Variants in HOOK2 observed in about 807,000 individuals in gnomAD.
The protein encoded by HOOK2 is hook microtubule tethering protein 2.
Under a neutral mutation model 111.9 loss-of-function variants are expected in HOOK2, and 108 were observed. The observed-to-expected ratio is 0.96, with a 90% confidence interval of 0.83 to 1.13. The LOEUF is 1.13. HOOK2 is among the 50% of genes most tolerant of loss of function. The pLI is 0.00. For missense variants in HOOK2, 978 were observed against 951.3 expected (o/e 1.03, Z -0.37); for synonymous variants, 405 against 394.3 (o/e 1.03, Z -0.32).
chr19:12,771,922 A>T (rs996782884), intron 7 of HOOK2: 1 of 457,406 alleles, frequency 2.2e-6, no homozygotes. Context: ...AAAAGAAAAC[A>T]GGGCTGGGGT....
chr19:12,773,609 A>G (rs1272480646), intron 3 of HOOK2, among the ~76,000 whole-genome samples: 1 of 151,858 alleles, frequency 6.6e-6, no homozygotes, highest in Non-Finnish European at 1.5e-5. Context: ...CTGCCCCACC[A>G]TCCTTCAGCC....
chr19:12,781,428 G>C (rs12980642), upstream of HOOK2, among the ~76,000 whole-genome samples: 1 of 149,774 alleles, frequency 6.7e-6, no homozygotes, highest in Middle Eastern at 3.3e-3. Flanking sequence ...CCGGGTTCAC[G>C]CCATTCTCCT....
At position 12,791,880 on chromosome 19, in the gene HOOK2, C is replaced by A; in HGVS notation, n.42-17655G>T. 1 of 1,613,508 alleles carries A rather than the reference C, an allele frequency of 6.2e-7. No individual in the cohort carries two copies. The highest frequency in any genetic ancestry group is 8.5e-7 in the Non-Finnish European group (1 of 1,179,898). On this transcript the variant is annotated intron_variant and non_coding_transcript_variant, in intron 3 of 3. Coordinates refer to the HOOK2 transcript ENST00000589765. This position sits in a 1 kb window ranked among gnomAD's most constrained non-coding sequence, Gnocchi z 7.0. ...TCTACACGACTACAAACTCCTGAAA[C>A]CGAGCCTGGCGGTCAACCTGGCCGA... is the stretch of plus-strand genomic sequence containing the variant.
Position 12,792,264 on chromosome 19 carries a change from C to A in HOOK2, n.42-18039G>T, listed in dbSNP as rs769217729. 3.3e-6 allele frequency: 5 copies of A among 1,494,020 alleles called. No homozygotes were observed. The South Asian group carries it at 6.5e-5, about 19-fold the overall frequency. The allele number at this position is 1,494,020 out of a possible 1,614,324, so 92.5% of individuals were successfully genotyped here. On this transcript the variant is annotated intron_variant and non_coding_transcript_variant, in intron 3 of 3. Coordinates refer to the HOOK2 transcript ENST00000589765. ...CGTGTCCCTGGGCGCTACCGGGGGG[C>A]CCCCGGCTGGGCCCGGGGGCGTCTA...
In HOOK2 at chr19:12,775,367, G is replaced by C. The variant is rs1430571741; in HGVS notation, c.45+38C>G. On this transcript the variant is annotated intron_variant, in intron 1 of 22. Transcript: ENST00000397668. ...GCCAGGGATCCCGGGCAAGAGGAGC[G>C]GGCGCTCACCTTCCCCTAGCCCCGC... The C allele has an allele frequency of 3.1e-6, 5 of 1,602,464 alleles. No individual in the cohort carries two copies. In the African/African-American group the frequency reaches 4.0e-5, roughly 13 times the overall value.
chr19:12,769,501 C>T (rs1411010809), intron 11 of HOOK2, among the ~76,000 whole-genome samples: 1 of 152,126 alleles, frequency 6.6e-6, no homozygotes, highest in East Asian at 1.9e-4. Flanking sequence ...CAGCTCACTA[C>T]AACCTCGAAA....
At chr19:12,788,973 G>A (rs563079182) in intron 3 of HOOK2, among the ~76,000 whole-genome samples, 1 of 152,244 alleles carries the variant, frequency 6.6e-6, no homozygotes, top group East Asian at 1.9e-4. Flanking sequence ...CCTCCAGCAA[G>A]GCCACTGCAC....
upstream of HOOK2, among the ~76,000 whole-genome samples, chr19:12,779,785 G>A (rs1968579807): frequency 6.6e-6 from 1 of 152,106 alleles, no homozygotes; most frequent in Non-Finnish European, 1.5e-5. Context: ...TTGATGGGGG[G>A]GAGGGCTGGT....
At position 12,771,251 on chromosome 19, in the gene HOOK2, G is replaced by A; in HGVS notation, c.669C>T (p.Gly223=). The part of the protein sequence containing the change: ...QENAGLRERM[G]RPEGEGTPGL... ...CTGGGGTACCCTCGCCTTCAGGCCG[G>A]CCCATCCGCTCCCGCAGCCCTGCAT... is the stretch of plus-strand genomic sequence containing the variant. Residue 223 remains glycine (G), a synonymous_variant, in exon 9 of 23, where the codon GGC becomes GGT. Coordinates refer to ENST00000397668, the MANE Select transcript of HOOK2 (RefSeq NM_013312.3). 1.2e-6 allele frequency: 2 copies of A among 1,608,138 alleles called. No individual in the cohort carries two copies. Among genetic ancestry groups the A allele is most frequent in the Non-Finnish European group, 1.7e-6 (2 of 1,177,246 alleles).
In HOOK2 at chr19:12,767,903, G is replaced by A. The variant is rs375768708; in HGVS notation, c.1216C>T (p.Arg406Trp). 1.6e-5 allele frequency: 26 copies of A among 1,610,596 alleles called. No homozygotes were observed. Among genetic ancestry groups the A allele is most frequent in the East Asian group, 1.1e-4 (5 of 44,868 alleles). The change falls in exon 13 of 23, where the codon CGG becomes TGG. Residue 406 changes from arginine to tryptophan, a missense_variant and splice_region_variant. Physicochemically the swap from Arg to Trp is moderately radical, Grantham distance 101 (BLOSUM62 -3). This residue lies in a region of HOOK2 where 388 missense variants were observed against 358.3 expected (regional missense o/e 1.08). Transcript: ENST00000397668. The part of the protein sequence containing the change: ...KYESVTKEKE[R>W]LLAERDSLRE... Reference sequence around the variant, plus strand: ...AAGGAGTCCCGCTCCGCCAACAGCCGCTGCAGGGACAGGGTACAAGACACT... The same window carrying A: ...AAGGAGTCCCGCTCCGCCAACAGCCACTGCAGGGACAGGGTACAAGACACT...
rs769066749 is a variant in HOOK2, at chr19:12,772,759, G to T, written c.388+21C>A. 12 of 1,613,584 alleles carry T rather than the reference G, an allele frequency of 7.4e-6. No individual in the cohort carries two copies. In the Admixed American group the frequency reaches 2.0e-4, roughly 27 times the overall value. ...AGGATTTCCTCAGGCCAGCCCTGGG[G>T]ACCCCCTAAGCTCCCCATACCCTGC... On this transcript the variant is annotated intron_variant, in intron 5 of 22. Transcript: ENST00000397668.
rs1379421137 is a variant in HOOK2 at position 12,772,965 on chromosome 19, AC to A, written c.255+28del. ...ATGGGCCCACCCTTCTCCCAACTCAACCCCCTGAATCCCTTTACAGTTACTC... is the reference window on the plus strand; with the variant it reads ...ATGGGCCCACCCTTCTCCCAACTCAACCCCTGAATCCCTTTACAGTTACTC... On this transcript the variant is annotated intron_variant, in intron 4 of 22. Transcript: ENST00000397668. 13 of 1,613,764 alleles carry A rather than the reference AC, an allele frequency of 8.1e-6. No individual in the cohort carries two copies. In the Middle Eastern group the frequency reaches 1.3e-3, roughly 163 times the overall value.
chr19:12,772,846 G>A lies in HOOK2; in HGVS notation c.322C>T (p.Pro108Ser). The A allele has an allele frequency of 6.2e-7, 1 of 1,614,152 alleles. No homozygotes were observed. The highest frequency in any genetic ancestry group is 8.5e-7 in the Non-Finnish European group (1 of 1,180,034). ...DVSLIGEFSD[P>S]AELGKLLQLV... ...TGAAGCAGCTTGCCGAGCTCTGCCGGGTCTGAGAACTCTCCAATGAGGCTC... is the reference window on the plus strand; with the variant it reads ...TGAAGCAGCTTGCCGAGCTCTGCCGAGTCTGAGAACTCTCCAATGAGGCTC... Residue 108 changes from proline to serine, a missense_variant, in exon 5 of 23, where the codon CCG becomes TCG. By Grantham distance (74) the Pro-to-Ser change is moderately conservative (BLOSUM62 -1). This residue lies in a region of HOOK2 where 301 missense variants were observed against 286.1 expected (regional missense o/e 1.05). Coordinates refer to ENST00000397668, the MANE Select transcript of HOOK2 (RefSeq NM_013312.3).
Position 12,791,825 on chromosome 19 carries a change from G to C in HOOK2, n.42-17600C>G, listed in dbSNP as rs946328976. ...ACCACGACGACTCATACACAGCTAC[G>C]GGATACGGCCGGGCCCCTGGTGGCC... On this transcript the variant is annotated intron_variant and non_coding_transcript_variant, in intron 3 of 3. Transcript: ENST00000589765. The surrounding 1 kb of genome is among the most constrained non-coding windows in gnomAD (Gnocchi z 7.0). 8 of 1,613,434 alleles carry C rather than the reference G, an allele frequency of 5.0e-6. No homozygotes were observed. The highest frequency in any genetic ancestry group is 2.7e-5 in the African/African-American group (2 of 74,906).
rs371407383 is a variant in HOOK2 at position 12,765,818 on chromosome 19, A to G, written c.1605+11T>C. ...GGGTAGGGGGTGCCATCCTGGGCCC[A>G]TGGTACTTACAATGGCCTGTATGGG... On this transcript the variant is annotated intron_variant, in intron 17 of 22. Coordinates refer to ENST00000397668, the MANE Select transcript of HOOK2 (RefSeq NM_013312.3). The G allele has an allele frequency of 3.5e-5, 56 of 1,613,192 alleles. No homozygotes were observed. In the African/African-American group the frequency reaches 6.3e-4, roughly 18 times the overall value.
chr19:12,789,855 GGCCCAGGCGCGCCCTGGGACC>G (rs1968690130), intron 3 of HOOK2, among the ~76,000 whole-genome samples: 1 of 151,978 alleles, frequency 6.6e-6, no homozygotes, highest in Non-Finnish European at 1.5e-5. Context: ...GCAGTCTGGG[GGCCCAGGCGCGCCCTGGGACC>G]TGGCAGATAG....
intron 11 of HOOK2, 24 bp downstream of exon 11, chr19:12,769,857 G>A: frequency 7.1e-7 from 1 of 1,404,592 alleles, no homozygotes; most frequent in East Asian, 3.0e-5. Context: ...CGGGGCCCCG[G>A]CCCTAACCCC....
chr19:12,764,667 G>C, intron 20 of HOOK2, 147 bp downstream of exon 20: 1 of 697,328 alleles, frequency 1.4e-6, no homozygotes, highest in Non-Finnish European at 2.5e-6. Flanking sequence ...GTAGCAGTGG[G>C]GAATCATGCA....
In HOOK2 at chr19:12,774,840, G is replaced by A; in HGVS notation, c.103C>T (p.Leu35Phe). The A allele has an allele frequency of 6.2e-7, 1 of 1,614,124 alleles. No homozygotes were observed. Among genetic ancestry groups the A allele is most frequent in the South Asian group, 1.1e-5 (1 of 91,072 alleles). ...CASPQDLSSG[L>F]AVAYVLNQID... ...TGGTTCAGCACATAGGCTACGGCAA[G>A]GCCGCTGCTCAGGTCCTGAGGGCTG... The change falls in exon 2 of 23, where the codon CTT becomes TTT. Residue 35 changes from leucine (L) to phenylalanine (F), a missense_variant. Physicochemically the swap from Leu to Phe is conservative, Grantham distance 22. Coordinates refer to ENST00000397668, the MANE Select transcript of HOOK2 (RefSeq NM_013312.3).
Sources: allele counts gnomAD v4.1 joint callset (sites outside exome capture counted in the v4.1 genomes callset), GRCh38; gene constraint gnomAD v4.1.1; regional missense constraint gnomAD v4.1.1; non-coding constraint Gnocchi (gnomAD v3.1); transcripts MANE v1.5; gene names NCBI Gene and HGNC (gene_info 2026-07-23, HGNC 2026-07-21).